The following CDK13 variants were observed in gnomAD, a reference collection of about 807,000 sequenced individuals.
The protein encoded by CDK13 is cyclin-dependent kinase 13.
In CDK13, 40 loss-of-function variants were observed where a neutral mutation model predicts 137.6. That is an observed-to-expected ratio of 0.29 (90% CI 0.23 to 0.38). The LOEUF is 0.38. Among genes scored for constraint, CDK13 ranks in the 10% least tolerant of loss-of-function variants. CDK13 has a pLI of 1.00. For missense variants in CDK13, 1,704 were observed against 1,951.8 expected, an observed-to-expected ratio of 0.87 and a Z score of 2.39; for synonymous variants, 869 against 760.1, an observed-to-expected ratio of 1.14 and a Z score of -2.36.
At chr7:40,035,059 C>T (rs114522464) in intron 5 of CDK13, among the ~76,000 whole-genome samples, 224 of 152,164 alleles carry the variant, frequency 1.5e-3, no homozygotes, top group African/African-American at 5.1e-3. Context: ...AATCACTTAT[C>T]TGTTCACACA....
chr7:39,950,791 A>G lies in CDK13; in HGVS notation c.150A>G (p.Gln50=), dbSNP rs948781596. Residue 50 remains glutamine (Q), a synonymous_variant, in exon 1 of 14, where the codon CAA becomes CAG. Transcript: ENST00000181839. Reference sequence around the variant, plus strand: ...CGCTCCTGCAGCCGCAGCTCCTGCAACCGCCGCCGCCCCCGCCGCCTCTGC... The same window carrying G: ...CGCTCCTGCAGCCGCAGCTCCTGCAGCCGCCGCCGCCCCCGCCGCCTCTGC... ...LLPLLQPQLL[Q]PPPPPPPLLF... The G allele has an allele frequency of 2.1e-6, 3 of 1,463,408 alleles. No homozygotes were observed. Among genetic ancestry groups the G allele is most frequent in the African/African-American group, 1.5e-5 (1 of 67,440 alleles). 90.7% of individuals were successfully genotyped at this position (1,463,408 alleles called of 1,614,324 possible).
chr7:40,035,305 G>A (rs1042906027), intron 5 of CDK13, among the ~76,000 whole-genome samples: 9 of 152,204 alleles, frequency 5.9e-5, no homozygotes, highest in Admixed American at 1.3e-4. Flanking sequence ...GAAAAACATC[G>A]CCTTAAACCA....
intron 5 of CDK13, among the ~76,000 whole-genome samples, chr7:40,028,588 A>G (rs1485639655): frequency 6.6e-6 from 1 of 152,050 alleles, no homozygotes; most frequent in Non-Finnish European, 1.5e-5. Flanking sequence ...ACTCAATGAA[A>G]AGGATCAGAA....
At chr7:40,057,873 A>T (rs1309759042) in intron 7 of CDK13, among the ~76,000 whole-genome samples, 3 of 152,132 alleles carry the variant, frequency 2.0e-5, no homozygotes, top group Non-Finnish European at 4.4e-5. Context: ...ACAGGAGTTC[A>T]AATAGGGGGA....
intron 5 of CDK13, among the ~76,000 whole-genome samples, chr7:40,025,381 CA>C (rs1448952909): frequency 1.3e-5 from 2 of 151,928 alleles, no homozygotes; most frequent in Non-Finnish European, 2.9e-5. Flanking sequence ...GAAAAAATTC[CA>C]AAATAATTGG....
intron 11 of CDK13, among the ~76,000 whole-genome samples, chr7:40,086,369 T>TATATATA (rs776590862): frequency 3.7e-4 from 56 of 152,308 alleles, no homozygotes; most frequent in Non-Finnish European, 7.5e-4. Flanking sequence ...AGGTTGAGGA[T>TATATATA]TATAGGTATA....
intron 2 of CDK13, among the ~76,000 whole-genome samples, chr7:39,989,395 C>A (rs936626871): frequency 6.6e-6 from 1 of 150,692 alleles, no homozygotes; most frequent in East Asian, 1.9e-4. Context: ...GTTTTCCTAG[C>A]TGATTTTTTT....
Position 40,095,217 on chromosome 7 carries a change from A to G in CDK13, c.*237A>G. On this transcript the variant is annotated 3_prime_UTR_variant, in exon 14 of 14. Transcript: ENST00000181839. ...TTCACAAATTCTAGTTAACAATTTT[A>G]TTTTGTATTCTTGCAGTTTTAAGTG... 1 of 310,446 alleles carries G rather than the reference A, an allele frequency of 3.2e-6. No individual in the cohort carries two copies. The highest frequency in any genetic ancestry group is 5.2e-5 in the East Asian group (1 of 19,128). The allele number at this position is 310,446 out of a possible 1,614,324, so 19.2% of individuals were successfully genotyped here.
chr7:40,046,216 A>C (rs1469041473), intron 6 of CDK13, among the ~76,000 whole-genome samples, 191 bp downstream of exon 6: 1 of 152,192 alleles, frequency 6.6e-6, no homozygotes, highest in Non-Finnish European at 1.5e-5. Context: ...TTACACTTGT[A>C]ATACCCATGT....
chr7:40,059,881 A>G (rs1184302522), intron 7 of CDK13, among the ~76,000 whole-genome samples: 1 of 152,202 alleles, frequency 6.6e-6, no homozygotes, highest in Non-Finnish European at 1.5e-5. Context: ...AACTTCCTAG[A>G]TTAAATTTTA....
chr7:40,033,478 A>T (rs773402), intron 5 of CDK13, among the ~76,000 whole-genome samples: 2 of 151,986 alleles, frequency 1.3e-5, no homozygotes, highest in East Asian at 1.9e-4. Flanking sequence ...AGTCAGAGAT[A>T]GTACGTGGTG....
rs1406011818 is a variant in CDK13 at position 39,982,838 on chromosome 7, C to T, written c.1212-4761C>T. 3.4e-4 allele frequency among the ~76,000 whole-genome samples: 51 copies of T among 152,148 alleles called. 1 individual carries two copies. The highest frequency in any genetic ancestry group is 3.3e-3 in the Admixed American group (51 of 15,278). ...TCTTTTGAGAATTGTCTGTTCATAT[C>T]CTCTGCCCACTTTTTGATGGGGTTG... On this transcript the variant is annotated intron_variant, in intron 1 of 13. Coordinates refer to ENST00000181839, the MANE Select transcript of CDK13 (RefSeq NM_003718.5).
intron 5 of CDK13, among the ~76,000 whole-genome samples, chr7:40,031,842 T>TATTA: frequency 6.8e-6 from 1 of 146,908 alleles, no homozygotes; most frequent in African/African-American, 2.5e-5. Context: ...TTATTATTAT[T>TATTA]ATTATTATTA....
At chr7:39,952,423 C>T (rs17496150) in intron 1 of CDK13, 4 of 151,870 alleles carry the variant, frequency 2.6e-5, no homozygotes, top group Non-Finnish European at 5.9e-5. Context: ...AGGTGGAAGC[C>T]GATAGTTCTG....
intron 5 of CDK13, among the ~76,000 whole-genome samples, chr7:40,031,407 C>T (rs551073775): frequency 2.5e-4 from 38 of 151,968 alleles, no homozygotes; most frequent in African/African-American, 8.2e-4. Context: ...CTGCAGACCC[C>T]GCTACTTGGG....
intron 1 of CDK13, among the ~76,000 whole-genome samples, chr7:39,964,768 T>G (rs1025814198): frequency 6.6e-6 from 1 of 152,210 alleles, no homozygotes; most frequent in Non-Finnish European, 1.5e-5. Context: ...TTAGTGCTTA[T>G]AAATTTCCCT....
At chr7:39,978,255 G>A (rs1784149874) in intron 1 of CDK13, among the ~76,000 whole-genome samples, 1 of 152,162 alleles carries the variant, frequency 6.6e-6, no homozygotes, top group African/African-American at 2.4e-5. Context: ...AAGATGAAAG[G>A]TAGTAGAAAT....
At chr7:40,090,417 G>A (rs1435086596) in intron 12 of CDK13, among the ~76,000 whole-genome samples, 3 of 151,980 alleles carry the variant, frequency 2.0e-5, no homozygotes, top group Admixed American at 6.6e-5. Context: ...ACAGTGACAC[G>A]ATCTCAGCTC....
chr7:40,090,124 A>G (rs1786889069), intron 12 of CDK13, among the ~76,000 whole-genome samples: 1 of 152,214 alleles, frequency 6.6e-6, no homozygotes, highest in Admixed American at 6.5e-5. Context: ...GAAATTTTGG[A>G]TGGTGATCTG....
Sources: gnomAD v4.1 joint callset for allele counts (sites outside exome capture counted in the v4.1 genomes callset) on GRCh38, gnomAD v4.1.1 for gene constraint, MANE v1.5 for transcripts, NCBI Gene and HGNC (gene_info 2026-07-23, HGNC 2026-07-21) for gene names.